Variants in RELN observed in about 807,000 individuals in gnomAD.
RELN encodes the protein reelin.
A neutral mutation model predicts 427.6 loss-of-function variants in RELN; 108 were observed. The ratio of observed to expected loss-of-function variants is 0.25; its 90% confidence interval spans 0.22 to 0.30. The LOEUF (loss-of-function observed/expected upper bound fraction) is 0.30. RELN is among the 10% of genes least tolerant of loss of function. The probability of loss-of-function intolerance (pLI) is 1.00; values close to 1 mark genes in which losing one functional copy is unlikely to be tolerated. For synonymous variants in RELN, 1,524 were observed against 1,513.4 expected (o/e 1.01, Z -0.16); for missense variants, 3,715 against 4,302.8 (o/e 0.86, Z 3.82).
intron 8 of RELN, among the ~76,000 whole-genome samples, chr7:103,710,087 A>G (rs1789755820): frequency 6.6e-6 from 1 of 152,246 alleles, no homozygotes; most frequent in African/African-American, 2.4e-5. Flanking sequence ...CATGTTTGTC[A>G]TAGACAGAAG....
intron 1 of RELN, among the ~76,000 whole-genome samples, chr7:103,927,255 T>C (rs1367175529): frequency 6.6e-6 from 1 of 152,222 alleles, no homozygotes; most frequent in Non-Finnish European, 1.5e-5. Flanking sequence ...GAGAACATAA[T>C]GATGAACCAT....
chr7:103,674,530 T>A (rs1270177718), intron 11 of RELN, among the ~76,000 whole-genome samples: 1 of 152,168 alleles, frequency 6.6e-6, no homozygotes, highest in African/African-American at 2.4e-5. Context: ...AGATGTGCCC[T>A]TGGGTGAGGA....
intron 38 of RELN, among the ~76,000 whole-genome samples, chr7:103,554,243 A>T (rs1195914898): frequency 6.6e-6 from 1 of 151,354 alleles, no homozygotes; most frequent in African/African-American, 2.4e-5. Flanking sequence ...TGGGGGAAAA[A>T]AAAAACATAA....
At chr7:103,874,746 T>C (rs1209102443) in intron 2 of RELN, among the ~76,000 whole-genome samples, 1 of 150,706 alleles carries the variant, frequency 6.6e-6, no homozygotes, top group African/African-American at 2.4e-5. Flanking sequence ...TGTTCATGGG[T>C]AGGAAGAATC....
In RELN at chr7:103,574,220, C is replaced by T; in HGVS notation, c.4383G>A (p.Leu1461=). The change falls in exon 30 of 65, where the codon CTG becomes CTA. Residue 1461 remains leucine (L), a synonymous_variant. Transcript: ENST00000428762. ...FDRFEGKLSP[L]WYKITGAQVG... ...CCTGGGCACCTGTTATCTTGTACCACAGAGGGCTGAGCTTCCCCTCAAACC... is the reference window on the plus strand; with the variant it reads ...CCTGGGCACCTGTTATCTTGTACCATAGAGGGCTGAGCTTCCCCTCAAACC... 1 of 1,614,174 alleles carries T rather than the reference C, an allele frequency of 6.2e-7. No homozygotes were observed. The highest frequency in any genetic ancestry group is 8.5e-7 in the Non-Finnish European group (1 of 1,180,018).
At chr7:103,926,632 T>TTTC (rs1795745243) in intron 1 of RELN, among the ~76,000 whole-genome samples, 1 of 21,260 alleles carries the variant, frequency 4.7e-5, no homozygotes, top group East Asian at 3.5e-3. Context: ...CATAAGTTTT[T>TTTC]TTTTTTTTTT....
intron 2 of RELN, among the ~76,000 whole-genome samples, chr7:103,837,039 T>A (rs115516075): frequency 0.025 from 3,809 of 152,326 alleles, 146 homozygotes; most frequent in African/African-American, 0.087. Context: ...TCCTATGTTT[T>A]CTTTCTACTA....
At chr7:103,751,272 T>A (rs977270686) in intron 5 of RELN, among the ~76,000 whole-genome samples, 2 of 152,224 alleles carry the variant, frequency 1.3e-5, no homozygotes, top group Non-Finnish European at 2.9e-5. Context: ...ATTTTTATGT[T>A]TTTTAGGCTC....
At chr7:103,744,950 G>A (rs1206684965) in intron 6 of RELN, among the ~76,000 whole-genome samples, 2 of 152,180 alleles carry the variant, frequency 1.3e-5, no homozygotes, top group African/African-American at 4.8e-5. Flanking sequence ...AAGCCTGGCA[G>A]AGACACAACC....
intron 20 of RELN, among the ~76,000 whole-genome samples, chr7:103,619,932 A>G (rs1365899760): frequency 6.6e-6 from 1 of 152,116 alleles, no homozygotes; most frequent in African/African-American, 2.4e-5. Flanking sequence ...CTTCCCTGCC[A>G]CTAATGTGGG....
intron 8 of RELN, among the ~76,000 whole-genome samples, chr7:103,710,239 C>T (rs983826277): frequency 6.6e-6 from 1 of 152,186 alleles, no homozygotes; most frequent in African/African-American, 2.4e-5. Context: ...GATCCTGTCT[C>T]CATTTGGACT....
chr7:103,554,692 G>T, intron 38 of RELN, among the ~76,000 whole-genome samples: 1 of 152,040 alleles, frequency 6.6e-6, no homozygotes, highest in East Asian at 1.9e-4. Flanking sequence ...GTATGTGAAA[G>T]CATGCTGTCC....
In RELN at chr7:103,496,696, A is replaced by G; in HGVS notation, c.9023T>C (p.Leu3008Pro). 2 of 1,614,168 alleles carry G rather than the reference A, an allele frequency of 1.2e-6. No individual in the cohort carries two copies. The highest frequency in any genetic ancestry group is 8.5e-7 in the Non-Finnish European group (1 of 1,180,014). Residue 3008 changes from leucine to proline, a missense_variant, in exon 56 of 65, where the codon CTT becomes CCT. Transcript: ENST00000428762. ...TGTGTTGGTGAGGGCATCTTCAGGA[A>G]GAAGTATGTAGTCGTGTCTAACAGA... The part of the protein sequence containing the change: ...YISVRHDYIL[L>P]PEDALTNTTR...
intron 8 of RELN, among the ~76,000 whole-genome samples, chr7:103,720,456 A>T (rs1790047627): frequency 6.6e-6 from 1 of 152,072 alleles, no homozygotes; most frequent in Admixed American, 6.6e-5. Flanking sequence ...TCCCTAGAAA[A>T]CTGCTTGAAT....
intron 2 of RELN, among the ~76,000 whole-genome samples, chr7:103,901,520 G>T (rs1382508385): frequency 6.6e-6 from 1 of 151,976 alleles, no homozygotes; most frequent in African/African-American, 2.4e-5. Context: ...TCAATAGATT[G>T]AATGGATATA....
In RELN at chr7:103,775,009, T is replaced by G. The variant is rs557580323; in HGVS notation, c.544+1548A>C. ...TTTTCTTGGCTTTTTCTTTTCATTTTAAATGAAACCAACCCCAATAATTCA... is the reference window on the plus strand; with the variant it reads ...TTTTCTTGGCTTTTTCTTTTCATTTGAAATGAAACCAACCCCAATAATTCA... On this transcript the variant is annotated intron_variant, in intron 4 of 64. Coordinates refer to ENST00000428762, the MANE Select transcript of RELN (RefSeq NM_005045.4). 4.6e-5 allele frequency among the ~76,000 whole-genome samples: 7 copies of G among 152,280 alleles called. 2 individuals are homozygous for G. The highest frequency in any genetic ancestry group is 1.7e-4 in the African/African-American group (7 of 41,566).
At chr7:103,828,178 C>G (rs1793187420) in intron 3 of RELN, among the ~76,000 whole-genome samples, 1 of 151,968 alleles carries the variant, frequency 6.6e-6, no homozygotes, top group Non-Finnish European at 1.5e-5. Flanking sequence ...TAGAATGGCT[C>G]TCACCAAAAA....
chr7:103,635,035 A>G (rs1004312314), intron 19 of RELN, among the ~76,000 whole-genome samples: 1 of 150,806 alleles, frequency 6.6e-6, no homozygotes, highest in African/African-American at 2.4e-5. Flanking sequence ...TTTTTTTCGT[A>G]TTTTTAGTAG....
Position 103,660,541 on chromosome 7 carries a change from G to A in RELN, c.1441+835C>T, listed in dbSNP as rs534014168. Among the ~76,000 whole-genome samples the A allele has an allele frequency of 5.3e-4, 80 of 152,300 alleles. 1 individual carries two copies. The highest frequency in any genetic ancestry group is 1.0e-3 in the Non-Finnish European group (69 of 68,022). On this transcript the variant is annotated intron_variant, in intron 12 of 64. Transcript: ENST00000428762. The stretch of plus-strand genomic sequence containing the variant: ...TGTATGATTATCAAAAAGGTGAAGT[G>A]AGGAATACAAGAGAAATAAATCGTC...
Sources: allele counts gnomAD v4.1 joint callset (sites outside exome capture counted in the v4.1 genomes callset), GRCh38; gene constraint gnomAD v4.1.1; transcripts MANE v1.5; gene names NCBI Gene and HGNC (gene_info 2026-07-23, HGNC 2026-07-21).